CASP5: variants seen among roughly 807,000 people sequenced by gnomAD.
The protein encoded by CASP5 is caspase-5.
Under a neutral mutation model 45.2 loss-of-function variants are expected in CASP5, and 42 were observed. That is an observed-to-expected ratio of 0.93 (90% confidence interval 0.73 to 1.20). The LOEUF (loss-of-function observed/expected upper bound fraction) is 1.20, where lower values mean the gene tolerates loss of function less well. Ranked by LOEUF, CASP5 falls within the 50% of genes most tolerant of loss-of-function variation. The probability of loss-of-function intolerance (pLI) is 0.00; values close to 1 mark genes in which losing one functional copy is unlikely to be tolerated. For missense variants in CASP5, 512 were observed against 532.2 expected, an observed-to-expected ratio of 0.96 and a Z score of 0.37; for synonymous variants, 209 against 186.2, an observed-to-expected ratio of 1.12 and a Z score of -1.00.
At chr11:105,015,788 C>G (rs1862560246) in intron 1 of CASP5, among the ~76,000 whole-genome samples, 1 of 151,842 alleles carries the variant, frequency 6.6e-6, no homozygotes, top group African/African-American at 2.4e-5. Flanking sequence ...GCAATTCCTG[C>G]ATTTTAGGAG....
chr11:105,003,439 C>T (rs1481242589), intron 3 of CASP5, 56 bp from the exon 4 acceptor site: 2 of 879,610 alleles, frequency 2.3e-6, no homozygotes, highest in East Asian at 2.5e-5. Flanking sequence ...CCCAATTTAT[C>T]ACCTAAGAAC....
intron 1 of CASP5, among the ~76,000 whole-genome samples, chr11:105,019,217 T>C (rs1043788882): frequency 1.3e-5 from 2 of 150,602 alleles, no homozygotes; most frequent in African/African-American, 4.9e-5. Context: ...AGATCCAAAA[T>C]TGACACCCTA....
chr11:104,995,941 AG>A, intron 8 of CASP5, 99 bp from the exon 9 acceptor site: 1 of 727,590 alleles, frequency 1.4e-6, no homozygotes, highest in South Asian at 1.7e-5. Context: ...GAGAGCTTCC[AG>A]GGTTGATAGG....
intron 1 of CASP5, 94 bp downstream of exon 1, chr11:105,023,036 C>T: frequency 8.5e-7 from 1 of 1,172,644 alleles, no homozygotes; most frequent in Non-Finnish European, 1.2e-6. Context: ...GGTTGATTTC[C>T]CTTTTGGTAT....
intron 2 of CASP5, 93 bp from the exon 3 acceptor site, chr11:105,007,427 T>A: frequency 8.5e-7 from 1 of 1,177,772 alleles, no homozygotes; most frequent in Non-Finnish European, 1.2e-6. Context: ...GAAACTCCTC[T>A]AAAAATACAT....
rs1281721917 is a variant in CASP5 at position 105,003,364 on chromosome 11, A to G, written c.453T>C (p.Ala151=). The G allele has an allele frequency of 2.5e-6, 4 of 1,599,898 alleles. No homozygotes were observed. The African/African-American group carries it at 5.4e-5, about 22-fold the overall frequency. Residue 151 remains alanine, a synonymous_variant, in exon 4 of 10, where the codon GCT becomes GCC. Coordinates refer to ENST00000260315, the MANE Select transcript of CASP5 (RefSeq NM_004347.5). ...TSVKPLLQIE[A]GPPESAESTN... ...TAGATTCTGCTGACTCAGGTGGTCC[A>G]GCCTCGATTTGCAGAAGAGCTGTGG...
At chr11:105,018,125 C>T (rs1198627591) in intron 1 of CASP5, among the ~76,000 whole-genome samples, 2 of 151,774 alleles carry the variant, frequency 1.3e-5, no homozygotes, top group Non-Finnish European at 1.5e-5. Context: ...TTGTCACCAC[C>T]AGGCCTGCCC....
intron 1 of CASP5, among the ~76,000 whole-genome samples, chr11:105,016,349 C>G (rs1239386927): frequency 6.6e-6 from 1 of 152,158 alleles, no homozygotes; most frequent in African/African-American, 2.4e-5. Context: ...CAGCTCCCAG[C>G]GTGAGCGAGC....
At chr11:104,996,764 G>T (rs1036115623) in intron 8 of CASP5, among the ~76,000 whole-genome samples, 3 of 152,134 alleles carry the variant, frequency 2.0e-5, no homozygotes, top group Non-Finnish European at 4.4e-5. Flanking sequence ...ATTAATATAT[G>T]CTTAATGGGA....
At chr11:105,018,026 T>C (rs1565393968) in intron 1 of CASP5, among the ~76,000 whole-genome samples, 1 of 152,028 alleles carries the variant, frequency 6.6e-6, no homozygotes, top group African/African-American at 2.4e-5. Flanking sequence ...AAAAGAATTT[T>C]CAACCCAGAA....
chr11:105,014,906 A>C (rs767690334), intron 1 of CASP5, among the ~76,000 whole-genome samples: 2 of 152,234 alleles, frequency 1.3e-5, no homozygotes, highest in African/African-American at 2.4e-5. Context: ...TGTCCAGAGA[A>C]GGGAGGGCTT....
At chr11:105,016,682 G>A (rs1487118226) in intron 1 of CASP5, among the ~76,000 whole-genome samples, 2 of 152,196 alleles carry the variant, frequency 1.3e-5, no homozygotes, top group Admixed American at 6.5e-5. Flanking sequence ...CTGATTGCTA[G>A]CACAGCAGTC....
rs542958379 is a variant in CASP5 at position 105,002,237 on chromosome 11, C to A, written c.544-36G>T. 9.3e-6 allele frequency: 15 copies of A among 1,606,002 alleles called. No individual in the cohort carries two copies. In the South Asian group the frequency reaches 1.4e-4, roughly 15 times the overall value. On this transcript the variant is annotated intron_variant, in intron 4 of 9. Coordinates refer to ENST00000260315, the MANE Select transcript of CASP5 (RefSeq NM_004347.5). ...TGGAGATGAAGCAACTTTGATTACC[C>A]GAGTCTCTTTTCAACCCCCATATGC... is the stretch of plus-strand genomic sequence containing the variant.
At position 105,007,325 on chromosome 11, in the gene CASP5, T is replaced by G. The variant is rs761137125; in HGVS notation, c.191A>C (p.His64Pro). The change falls in exon 3 of 10, where the codon CAC (histidine) becomes CCC (proline). Residue 64 changes from histidine to proline, a missense_variant. Coordinates refer to ENST00000260315, the MANE Select transcript of CASP5 (RefSeq NM_004347.5). ...CAACATCTTAACTGTTTTTTTTTTG[T>G]GGTTGTCTTCTGTCAGAAATAGAAA... ...QKSTSVKKDN[H>P]KKKTVKMLEY... 3 of 1,594,902 alleles carry G rather than the reference T, an allele frequency of 1.9e-6. No homozygotes were observed. Among genetic ancestry groups the G allele is most frequent in the African/African-American group, 2.7e-5 (2 of 74,078 alleles).
chr11:105,003,014 T>C (rs1425877789), intron 4 of CASP5, among the ~76,000 whole-genome samples: 2 of 145,548 alleles, frequency 1.4e-5, no homozygotes, highest in East Asian at 2.1e-4. Flanking sequence ...CTGGACAACA[T>C]AGGGAGACTA....
intron 3 of CASP5, 69 bp from the exon 4 acceptor site, chr11:105,003,452 TGAGA>T (rs3831481): frequency 1.2e-5 from 9 of 736,172 alleles, no homozygotes; most frequent in African/African-American, 3.8e-5. Context: ...CTAAGAACTT[TGAGA>T]GAGAGAGAGA....
intron 3 of CASP5, among the ~76,000 whole-genome samples, chr11:105,006,625 A>T (rs966845818): frequency 1.3e-5 from 2 of 152,212 alleles, no homozygotes; most frequent in Non-Finnish European, 2.9e-5. Flanking sequence ...GTCCTGAATG[A>T]GAGCTGGTAT....
chr11:105,021,254 G>A (rs987126230), intron 1 of CASP5, among the ~76,000 whole-genome samples: 1 of 149,628 alleles, frequency 6.7e-6, no homozygotes. Flanking sequence ...CATGGGCAAG[G>A]ACTTCATGTC....
At chr11:105,009,771 GTATA>G (rs35870613) in intron 1 of CASP5, among the ~76,000 whole-genome samples, 13 of 88,476 alleles carry the variant, frequency 1.5e-4, no homozygotes, top group East Asian at 1.4e-3. Flanking sequence ...ACACACACAC[GTATA>G]TATATATATA....
Sources: gnomAD v4.1 joint callset for allele counts (sites outside exome capture counted in the v4.1 genomes callset) on GRCh38, gnomAD v4.1.1 for gene constraint, MANE v1.5 for transcripts, NCBI Gene and HGNC (gene_info 2026-07-23, HGNC 2026-07-21) for gene names.